Variants in ABCC6 observed in about 807,000 individuals in gnomAD.
ABCC6 encodes ATP binding cassette subfamily C member 6.
Under a neutral mutation model 169.5 loss-of-function variants are expected in ABCC6, and 126 were observed. The ratio of observed to expected loss-of-function variants is 0.74; its 90% confidence interval spans 0.64 to 0.86. The LOEUF is 0.86. Among genes scored for constraint, ABCC6 ranks in the 40% least tolerant of loss-of-function variants. The probability of loss-of-function intolerance (pLI) is 0.00; values close to 1 mark genes in which losing one functional copy is unlikely to be tolerated. For synonymous variants in ABCC6, 752 were observed against 814.7 expected (o/e 0.92, Z 1.31); for missense variants, 1,733 against 1,927.2 (o/e 0.90, Z 1.89).
intron 22 of ABCC6, among the ~76,000 whole-genome samples, chr16:16,168,562 G>A (rs1180073457): frequency 2.6e-5 from 4 of 152,034 alleles, no homozygotes; most frequent in East Asian, 3.9e-4. Context: ...GCCAGGCCAC[G>A]TATTAAAAGG....
chr16:16,187,963 G>T (rs1333533830), intron 13 of ABCC6, among the ~76,000 whole-genome samples: 6 of 151,776 alleles, frequency 4.0e-5, no homozygotes, highest in African/African-American at 1.2e-4. Flanking sequence ...CAGGCGCGGT[G>T]GCTCATGCCT....
At chr16:16,192,526 T>C (rs1229881522) in intron 11 of ABCC6, among the ~76,000 whole-genome samples, 3 of 152,052 alleles carry the variant, frequency 2.0e-5, no homozygotes, top group Admixed American at 2.0e-4. Flanking sequence ...TGCTGGGAAG[T>C]GTGACATTTT....
chr16:16,161,723 C>A (rs960622816), intron 24 of ABCC6, among the ~76,000 whole-genome samples, 159 bp from the exon 25 acceptor site: 2 of 152,198 alleles, frequency 1.3e-5, no homozygotes, highest in African/African-American at 4.8e-5. Context: ...AGGAAGATGA[C>A]ACCGTCCTGT....
At chr16:16,181,223 G>A (rs1271199049) in intron 17 of ABCC6, among the ~76,000 whole-genome samples, 1 of 151,808 alleles carries the variant, frequency 6.6e-6, no homozygotes, top group East Asian at 1.9e-4. Context: ...TGGGAGGATT[G>A]CTTGAACTAC....
At chr16:16,195,884 A>C (rs1462568777) in intron 10 of ABCC6, among the ~76,000 whole-genome samples, 2 of 152,134 alleles carry the variant, frequency 1.3e-5, no homozygotes, top group African/African-American at 4.8e-5. Flanking sequence ...TTTTTTTGGA[A>C]TATTCAGCAA....
chr16:16,215,451 GT>G (rs2048830935), intron 4 of ABCC6, among the ~76,000 whole-genome samples: 1 of 150,884 alleles, frequency 6.6e-6, no homozygotes, highest in African/African-American at 2.4e-5. Context: ...GTGTGTGTGT[GT>G]GTGTGTGTGT....
rs114543964 is a variant in ABCC6, at chr16:16,198,475, G to A, written c.1177-293C>T. On this transcript the variant is annotated intron_variant, in intron 9 of 30. Coordinates refer to ENST00000205557, the MANE Select transcript of ABCC6 (RefSeq NM_001171.6). ...CAGTGCTCACCATGTCGCAGGCACT[G>A]TGCTAAATGAACAGCCTTATCCTTT... Among the ~76,000 whole-genome samples the A allele has an allele frequency of 4.2e-3, 632 of 152,288 alleles. 3 individuals carry two copies. Among genetic ancestry groups the A allele is most frequent in the African/African-American group, 0.015 (609 of 41,554 alleles).
intron 13 of ABCC6, 22 bp downstream of exon 13, chr16:16,188,809 C>T (rs374220090): frequency 6.9e-5 from 111 of 1,609,708 alleles, no homozygotes; most frequent in Middle Eastern, 3.3e-4. Flanking sequence ...CAGGATGGCT[C>T]CAGCCCTTGC....
intron 27 of ABCC6, among the ~76,000 whole-genome samples, chr16:16,156,985 C>T (rs985958790): frequency 1.4e-5 from 2 of 147,480 alleles, no homozygotes; most frequent in African/African-American, 5.0e-5. Context: ...CAGATTGGAG[C>T]TGGTGAGACA....
At position 16,177,591 on chromosome 16, in the gene ABCC6, C is replaced by A; in HGVS notation, c.2451G>T (p.Leu817=). ...RILVTHALHI[L]PQADWIIVLA... ...GCACTATGATCCAATCAGCCTGGGG[C>A]AGGATGTGGAGTGCGTGCGTCACGA... Residue 817 remains leucine, a synonymous_variant, in exon 19 of 31, where the codon CTG becomes CTT. Transcript: ENST00000205557. 6.2e-7 allele frequency: 1 copy of A among 1,614,196 alleles called. No homozygotes were observed. Among genetic ancestry groups the A allele is most frequent in the Non-Finnish European group, 8.5e-7 (1 of 1,180,042 alleles).
At position 16,157,810 on chromosome 16, in the gene ABCC6, C is replaced by G; in HGVS notation, c.3736-1G>C. On this transcript the variant is annotated splice_acceptor_variant, in intron 26 of 30. Coordinates refer to ENST00000205557, the MANE Select transcript of ABCC6 (RefSeq NM_001171.6). LOFTEE classifies it high-confidence loss of function. ...CACATGTGGGCAGCCTCCAGGGAGC[C>G]TGGAGCAGGAGGGGAAACTGAGTCA... The G allele has an allele frequency of 6.2e-7, 1 of 1,609,912 alleles. No individual in the cohort carries two copies. The highest frequency in any genetic ancestry group is 1.1e-5 in the South Asian group (1 of 91,056).
intron 11 of ABCC6, among the ~76,000 whole-genome samples, chr16:16,190,617 G>A (rs926080215): frequency 4.0e-5 from 6 of 151,754 alleles, no homozygotes; most frequent in African/African-American, 1.5e-4. Flanking sequence ...AACAGAGGCA[G>A]CCTGAGCCCA....
intron 21 of ABCC6, among the ~76,000 whole-genome samples, chr16:16,172,063 GAGTGGGTGGGATGGATAAA>G (rs2047107044): frequency 3.5e-5 from 1 of 28,186 alleles, no homozygotes; most frequent in South Asian, 1.4e-3. Context: ...ATGGATAAAT[GAGTGGGTGGGATGGATAAA>G]TGAGTGGGTG....
intron 9 of ABCC6, 96 bp from the exon 10 acceptor site, chr16:16,198,278 G>A (rs901418799): frequency 3.9e-5 from 51 of 1,319,086 alleles, no homozygotes; most frequent in South Asian, 1.9e-4. Flanking sequence ...CACCTCACAC[G>A]TCTGCGAGGT....
rs756119394 is a variant in ABCC6 at position 16,188,944 on chromosome 16, G to C, written c.1666C>G (p.Leu556Val). The change falls in exon 13 of 31, where the codon CTG (leucine) becomes GTG (valine). Residue 556 changes from leucine to valine, a missense_variant. Transcript: ENST00000205557. Reference sequence around the variant, plus strand: ...GCATTCATAGCATTCTCGGCCACCAGAGTGTGGACAGCAAACACCACCAGT... The same window carrying C: ...GCATTCATAGCATTCTCGGCCACCACAGTGTGGACAGCAAACACCACCAGT... Reference protein sequence around the residue: ...VALVVFAVHTLVAENAMNAEK... With the variant: ...VALVVFAVHTVVAENAMNAEK... 2 of 1,613,964 alleles carry C rather than the reference G, an allele frequency of 1.2e-6. No individual in the cohort carries two copies. The highest frequency in any genetic ancestry group is 2.2e-5 in the South Asian group (2 of 91,076).
chr16:16,192,757 G>GA, intron 11 of ABCC6, 73 bp downstream of exon 11: 1 of 1,417,504 alleles, frequency 7.1e-7, no homozygotes, highest in East Asian at 2.3e-5. Context: ...TCTCCCCTCC[G>GA]CATCTCCCAC....
In ABCC6 at chr16:16,214,523, C is replaced by A. The variant is rs1486294879; in HGVS notation, c.475-74G>T. 2.6e-6 allele frequency: 4 copies of A among 1,550,510 alleles called. No homozygotes were observed. The East Asian group carries it at 9.8e-5, about 38-fold the overall frequency. On this transcript the variant is annotated intron_variant, in intron 4 of 30. Transcript: ENST00000205557. Reference sequence around the variant, plus strand: ...TCAGAGGAGAGAAAAGGTTTCTGATCTTGGGTCAGTGCCCACTCTGGGGAC... The same window carrying A: ...TCAGAGGAGAGAAAAGGTTTCTGATATTGGGTCAGTGCCCACTCTGGGGAC...
At chr16:16,188,758 G>A in intron 13 of ABCC6, 73 bp downstream of exon 13, 1 of 1,540,990 alleles carries the variant, frequency 6.5e-7, no homozygotes, top group Non-Finnish European at 8.8e-7. Flanking sequence ...CAAATGGCAG[G>A]GGTAGGGAAG....
intron 11 of ABCC6, among the ~76,000 whole-genome samples, chr16:16,191,318 G>A (rs894620644): frequency 1.3e-5 from 2 of 152,142 alleles, no homozygotes; most frequent in African/African-American, 4.8e-5. Context: ...GTTATGCCAT[G>A]TTGGCCAGGC....
Sources: gnomAD v4.1 joint callset for allele counts (sites outside exome capture counted in the v4.1 genomes callset) on GRCh38, gnomAD v4.1.1 for gene constraint, MANE v1.5 for transcripts, NCBI Gene and HGNC (gene_info 2026-07-23, HGNC 2026-07-21) for gene names.